The following ADAMTSL1 variants were observed in gnomAD, a reference collection of about 807,000 sequenced individuals.
ADAMTSL1 encodes ADAMTS-like protein 1.
A neutral mutation model predicts 201.8 loss-of-function variants in ADAMTSL1; 126 were observed. The ratio of observed to expected loss-of-function variants is 0.62; its 90% CI spans 0.54 to 0.72. The LOEUF (loss-of-function observed/expected upper bound fraction) is 0.72, where lower values mean the gene tolerates loss of function less well. Ranked by LOEUF, ADAMTSL1 falls within the 30% of genes least tolerant of loss-of-function variation. ADAMTSL1 has a pLI of 0.00. For missense variants in ADAMTSL1, 2,679 were observed against 2,277.8 expected, an observed-to-expected ratio of 1.18 and a Z score of -3.59; for synonymous variants, 1,121 against 903.4, an observed-to-expected ratio of 1.24 and a Z score of -4.32.
At chr9:18,177,784 C>T (rs1828241898) in intron 2 of ADAMTSL1, among the ~76,000 whole-genome samples, 1 of 152,190 alleles carries the variant, frequency 6.6e-6, no homozygotes, top group African/African-American at 2.4e-5. Flanking sequence ...TGGTTACATA[C>T]CCATGCCTAG....
intron 2 of ADAMTSL1, among the ~76,000 whole-genome samples, chr9:18,228,662 T>C (rs1219336558): frequency 6.6e-6 from 1 of 152,114 alleles, no homozygotes; most frequent in Non-Finnish European, 1.5e-5. Flanking sequence ...TCAAGTGATC[T>C]TCTTGCCTAG....
At chr9:18,774,890 G>A (rs566870929) in intron 17 of ADAMTSL1, among the ~76,000 whole-genome samples, 1 of 152,106 alleles carries the variant, frequency 6.6e-6, no homozygotes. Flanking sequence ...TCTCTCTTGG[G>A]TAGATACCCA....
At chr9:18,584,775 T>C (rs1344762896) in intron 4 of ADAMTSL1, among the ~76,000 whole-genome samples, 1 of 152,058 alleles carries the variant, frequency 6.6e-6, no homozygotes, top group East Asian at 1.9e-4. Flanking sequence ...TCAGTATTGG[T>C]GGGCACCATC....
At chr9:18,906,284 C>A (rs1029330991) in intron 27 of ADAMTSL1, among the ~76,000 whole-genome samples, 2 of 152,132 alleles carry the variant, frequency 1.3e-5, no homozygotes, top group East Asian at 3.9e-4. Flanking sequence ...AAGATGAGAG[C>A]CCTTGTTCCT....
chr9:18,025,172 A>G (rs1305009100), intron 1 of ADAMTSL1, among the ~76,000 whole-genome samples: 3 of 152,046 alleles, frequency 2.0e-5, no homozygotes, highest in Non-Finnish European at 4.4e-5. Flanking sequence ...CCTTTGTCAG[A>G]TGCCTACTTT....
chr9:18,444,253 T>G (rs749911193), intron 2 of ADAMTSL1, among the ~76,000 whole-genome samples: 1 of 152,154 alleles, frequency 6.6e-6, no homozygotes, highest in Non-Finnish European at 1.5e-5. Flanking sequence ...GGGTGAGGCA[T>G]TGTGCTGGGT....
rs190409110 is a variant in ADAMTSL1, at chr9:18,587,204, G to A, written c.474+12938G>A. 7.5e-3 allele frequency among the ~76,000 whole-genome samples: 1,146 copies of A among 152,236 alleles called. 13 individuals are homozygous for A. The highest frequency in any genetic ancestry group is 0.027 in the African/African-American group (1,102 of 41,538). On this transcript the variant is annotated intron_variant, in intron 4 of 28. Coordinates refer to ENST00000380548, the MANE Select transcript of ADAMTSL1 (RefSeq NM_001040272.6). ...GAAAATATTTGCAAACTATGCAACT[G>A]ACAAACGTCTATTATCCAGCATGTA...
Position 18,164,740 on chromosome 9 carries a change from T to A in ADAMTSL1, c.207+759T>A, listed in dbSNP as rs56307628. ...AAGGGTAGGATCGCAGAAAATAACA[T>A]CTTAGAATACCCCCAAAACAAACAT... On this transcript the variant is annotated intron_variant, in intron 2 of 29. Transcript: ENST00000680146. Among the ~76,000 whole-genome samples the A allele has an allele frequency of 4.9e-3, 751 of 151,858 alleles. 4 individuals carry two copies. The highest frequency in any genetic ancestry group is 6.5e-3 in the Non-Finnish European group (443 of 67,864).
At chr9:18,329,600 T>G (rs1406382024) in intron 2 of ADAMTSL1, among the ~76,000 whole-genome samples, 1 of 152,204 alleles carries the variant, frequency 6.6e-6, no homozygotes, top group East Asian at 1.9e-4. Flanking sequence ...AAGGCAGTAC[T>G]TAAAACCCCT....
chr9:18,440,171 A>G (rs140341963), intron 2 of ADAMTSL1, among the ~76,000 whole-genome samples: 1,731 of 152,310 alleles, frequency 0.011, 11 homozygotes, highest in Admixed American at 0.019. Context: ...TTTTACACAT[A>G]CAGGAGTTCT....
chr9:18,503,421 G>GTGTATGTATATATATATATA (rs376466829), intron 1 of ADAMTSL1, among the ~76,000 whole-genome samples: 1 of 115,274 alleles, frequency 8.7e-6, no homozygotes, highest in Non-Finnish European at 1.9e-5. Context: ...ATTCCATTGT[G>GTGTATGTATATATATATATA]TATATATATA....
chr9:18,389,459 T>C (rs1441833779), intron 2 of ADAMTSL1, among the ~76,000 whole-genome samples: 1 of 152,194 alleles, frequency 6.6e-6, no homozygotes, highest in Non-Finnish European at 1.5e-5. Flanking sequence ...CCAGTTCTTT[T>C]ATCCAATCAG....
intron 1 of ADAMTSL1, among the ~76,000 whole-genome samples, chr9:17,982,689 C>T (rs1445239844): frequency 6.6e-6 from 1 of 152,100 alleles, no homozygotes; most frequent in Non-Finnish European, 1.5e-5. Context: ...CGTGGAATCA[C>T]AGGCTCAGTT....
In ADAMTSL1 at chr9:18,072,778, C is replaced by T. The variant is rs150506086; in HGVS notation, c.88-91084C>T. Among the ~76,000 whole-genome samples the T allele has an allele frequency of 2.6e-3, 397 of 152,266 alleles. 4 individuals carry two copies. The highest frequency in any genetic ancestry group is 9.3e-3 in the East Asian group (48 of 5,168). ...TTAGGCTGACAATTTTCATTGCCCA[C>T]GGAGGGCGATGAAGAATAGTGGAGT... On this transcript the variant is annotated intron_variant, in intron 1 of 29. Transcript: ENST00000680146.
At chr9:18,103,202 AT>A (rs201547338) in intron 1 of ADAMTSL1, among the ~76,000 whole-genome samples, 32 of 151,158 alleles carry the variant, frequency 2.1e-4, no homozygotes, top group African/African-American at 6.1e-4. Flanking sequence ...AGAAAAACAC[AT>A]TTTTTTTTCA....
At chr9:18,617,697 T>C (rs1376184900) in intron 4 of ADAMTSL1, among the ~76,000 whole-genome samples, 13 of 152,158 alleles carry the variant, frequency 8.5e-5, no homozygotes, top group Non-Finnish European at 1.8e-4. Context: ...AAAGCAGAAA[T>C]TGATAACCCA....
intron 3 of ADAMTSL1, among the ~76,000 whole-genome samples, chr9:18,549,862 C>T (rs1256502840): frequency 6.6e-6 from 1 of 151,950 alleles, no homozygotes; most frequent in Non-Finnish European, 1.5e-5. Flanking sequence ...GCATCAACGT[C>T]AGCCTGGTTC....
intron 1 of ADAMTSL1, among the ~76,000 whole-genome samples, chr9:18,071,620 A>G (rs1353171123): frequency 6.6e-6 from 1 of 152,232 alleles, no homozygotes; most frequent in Non-Finnish European, 1.5e-5. Context: ...ACATTTTCAA[A>G]TGGCCCTCTG....
chr9:18,127,521 C>CACACACAA (rs775454693), intron 1 of ADAMTSL1, among the ~76,000 whole-genome samples: 3 of 142,908 alleles, frequency 2.1e-5, no homozygotes, highest in African/African-American at 5.0e-5. Context: ...CACACACACA[C>CACACACAA]AACACATGCT....
Sources: allele counts gnomAD v4.1 joint callset (sites outside exome capture counted in the v4.1 genomes callset), GRCh38; gene constraint gnomAD v4.1.1; transcripts MANE v1.5; gene names NCBI Gene and HGNC (gene_info 2026-07-23, HGNC 2026-07-21).